DYNC1I2: variants seen among roughly 807,000 people sequenced by gnomAD.
The protein encoded by DYNC1I2 is cytoplasmic dynein 1 intermediate chain 2.
In DYNC1I2, 53 loss-of-function variants were observed where a neutral mutation model predicts 88.6. The ratio of observed to expected loss-of-function variants is 0.60; its 90% CI spans 0.48 to 0.75. The LOEUF (loss-of-function observed/expected upper bound fraction) is 0.75, where lower values mean the gene tolerates loss of function less well. DYNC1I2 is among the 30% of genes least tolerant of loss of function. The pLI is 0.00. For missense variants in DYNC1I2, 458 were observed against 766.6 expected (o/e 0.60, Z 4.75); for synonymous variants, 198 against 254.6 (o/e 0.78, Z 2.12).
intron 3 of DYNC1I2, among the ~76,000 whole-genome samples, chr2:171,696,210 C>A (rs1685756252): frequency 6.6e-6 from 1 of 152,102 alleles, no homozygotes; most frequent in South Asian, 2.1e-4. Context: ...TCAAATCCTT[C>A]ATTTTGATAT....
chr2:171,739,652 A>G (rs1689260700), intron 15 of DYNC1I2, among the ~76,000 whole-genome samples: 1 of 150,632 alleles, frequency 6.6e-6, no homozygotes, highest in Admixed American at 6.6e-5. Flanking sequence ...ATTTATTTGA[A>G]GCAGGATCCA....
intron 7 of DYNC1I2, among the ~76,000 whole-genome samples, chr2:171,717,065 C>A (rs1380459384): frequency 2.6e-5 from 4 of 151,606 alleles, no homozygotes; most frequent in African/African-American, 9.7e-5. Flanking sequence ...CAAAAGGAGG[C>A]AACATTATGA....
chr2:171,732,690 G>A (rs1688703237), intron 15 of DYNC1I2, among the ~76,000 whole-genome samples: 1 of 152,146 alleles, frequency 6.6e-6, no homozygotes, highest in South Asian at 2.1e-4. Context: ...AAAGCAAGAT[G>A]CAGAATTGGT....
At chr2:171,747,181 G>A (rs1414288793) in intron 17 of DYNC1I2, among the ~76,000 whole-genome samples, 1 of 131,072 alleles carries the variant, frequency 7.6e-6, no homozygotes, top group Non-Finnish European at 1.7e-5. Context: ...GCAACAGAGT[G>A]GGACTGTCTC....
chr2:171,732,145 C>T (rs1377343750), intron 15 of DYNC1I2, among the ~76,000 whole-genome samples: 1 of 152,208 alleles, frequency 6.6e-6, no homozygotes, highest in Admixed American at 6.5e-5. Flanking sequence ...GGGTGGATCA[C>T]CTGAGGTCAG....
chr2:171,711,605 G>C (rs1427527572), intron 5 of DYNC1I2, among the ~76,000 whole-genome samples: 5 of 152,182 alleles, frequency 3.3e-5, no homozygotes, highest in Non-Finnish European at 1.5e-5. Context: ...TCATTGCTTA[G>C]TACAAAGTAG....
intron 3 of DYNC1I2, among the ~76,000 whole-genome samples, chr2:171,695,921 A>G (rs375273823): frequency 9.2e-5 from 14 of 152,320 alleles, no homozygotes; most frequent in East Asian, 1.9e-4. Flanking sequence ...TGGTACACCA[A>G]AATGTTTTAA....
At chr2:171,703,000 C>T (rs1686388239) in intron 3 of DYNC1I2, among the ~76,000 whole-genome samples, 3 of 152,192 alleles carry the variant, frequency 2.0e-5, no homozygotes, top group African/African-American at 7.2e-5. Flanking sequence ...GCTGGGATTA[C>T]AGGCATGAGT....
rs750116484 is a variant in DYNC1I2 at position 171,726,028 on chromosome 2, G to T, written c.717G>T (p.Glu239Asp). The change falls in exon 9 of 18, where the codon GAG becomes GAT. Residue 239 changes from glutamate to aspartate, a missense_variant. Glu to Asp is a conservative substitution (Grantham distance 45). Transcript: ENST00000397119. ...STRIVERALS[E>D]QINIFFDYSG... ...GAATTGTAGAAAGAGCTCTTTCTGA[G>T]CAGATTAACATCTTCTTTGACTATA... 2.5e-6 allele frequency: 4 copies of T among 1,593,656 alleles called. No individual in the cohort carries two copies. The East Asian group carries it at 9.0e-5, about 36-fold the overall frequency.
At position 171,729,751 on chromosome 2, in the gene DYNC1I2, A is replaced by G; in HGVS notation, c.1434A>G (p.Pro478=). Residue 478 remains proline (P), a synonymous_variant, in exon 15 of 18, where the codon CCA becomes CCG. Coordinates refer to ENST00000397119, the MANE Select transcript of DYNC1I2 (RefSeq NM_001378.3). ...AGATGTTTGAGGGGCATCAAGGACC[A>G]ATCACTGGCATCCATTGTCATGCAG... The part of the protein sequence containing the change: ...ISEMFEGHQG[P]ITGIHCHAAV... 2 of 1,613,192 alleles carry G rather than the reference A, an allele frequency of 1.2e-6. No individual in the cohort carries two copies.
intron 7 of DYNC1I2, among the ~76,000 whole-genome samples, chr2:171,721,437 T>A (rs1687896182): frequency 6.6e-6 from 1 of 152,114 alleles, no homozygotes; most frequent in African/African-American, 2.4e-5. Flanking sequence ...GAGTAAGGTA[T>A]AAGAAGATGA....
chr2:171,714,708 G>A (rs867698236), intron 6 of DYNC1I2, among the ~76,000 whole-genome samples: 2 of 152,190 alleles, frequency 1.3e-5, no homozygotes, highest in African/African-American at 2.4e-5. Flanking sequence ...TTTAGTCTAA[G>A]TGTAGAATAT....
At chr2:171,733,912 A>G (rs10184770) in intron 15 of DYNC1I2, among the ~76,000 whole-genome samples, 123,936 of 152,002 alleles carry the variant, frequency 0.82, 51,679 homozygotes, top group Middle Eastern at 0.91. Flanking sequence ...TTTTCTTCTA[A>G]GTTTTTTGTA....
Position 171,745,785 on chromosome 2 carries a change from A to G in DYNC1I2, c.1678-17A>G, listed in dbSNP as rs773265264. ...GATGAAACTTTTAACACTGTCCTTTATTTTAAATGACTTTAGGTACCAACT... is the reference window on the plus strand; with the variant it reads ...GATGAAACTTTTAACACTGTCCTTTGTTTTAAATGACTTTAGGTACCAACT... On this transcript the variant is annotated splice_polypyrimidine_tract_variant and intron_variant, in intron 16 of 17. Transcript: ENST00000397119. 4 of 1,611,250 alleles carry G rather than the reference A, an allele frequency of 2.5e-6. No homozygotes were observed. The South Asian group carries it at 4.4e-5, about 18-fold the overall frequency.
At chr2:171,728,486 C>G in intron 13 of DYNC1I2, 68 bp downstream of exon 13, 1 of 985,178 alleles carries the variant, frequency 1.0e-6, no homozygotes, top group Non-Finnish European at 1.5e-6. Context: ...TGTACCTCAA[C>G]TTATGTTTCT....
chr2:171,705,933 T>C (rs1686647139), intron 3 of DYNC1I2, among the ~76,000 whole-genome samples: 1 of 152,076 alleles, frequency 6.6e-6, no homozygotes, highest in Non-Finnish European at 1.5e-5. Flanking sequence ...TTTTTTCTTA[T>C]AATCTTATTG....
At chr2:171,724,278 A>G (rs1457662700) in intron 7 of DYNC1I2, among the ~76,000 whole-genome samples, 1 of 152,222 alleles carries the variant, frequency 6.6e-6, no homozygotes, top group African/African-American at 2.4e-5. Flanking sequence ...AAAGATTTTC[A>G]TAGCTCTCTA....
chr2:171,714,553 TC>T (rs1240153755), intron 6 of DYNC1I2, among the ~76,000 whole-genome samples: 1 of 152,148 alleles, frequency 6.6e-6, no homozygotes, highest in Non-Finnish European at 1.5e-5. Context: ...ATAAAAGATC[TC>T]CCAGATAGCT....
intron 15 of DYNC1I2, among the ~76,000 whole-genome samples, chr2:171,741,198 T>C (rs1689403394): frequency 6.6e-6 from 1 of 152,246 alleles, no homozygotes; most frequent in Non-Finnish European, 1.5e-5. Context: ...TTTTTGTTTA[T>C]ACATTCATCA....
Sources: gnomAD v4.1 joint callset for allele counts (sites outside exome capture counted in the v4.1 genomes callset) on GRCh38, gnomAD v4.1.1 for gene constraint, MANE v1.5 for transcripts, NCBI Gene and HGNC (gene_info 2026-07-23, HGNC 2026-07-21) for gene names.